Variants in INTS8 observed in about 807,000 individuals in gnomAD.
INTS8 encodes protein kaonashi-1.
INTS8 carries 47 observed loss-of-function variants against 138.9 expected under a neutral mutation model. The ratio of observed to expected loss-of-function variants is 0.34; its 90% confidence interval spans 0.27 to 0.43. The LOEUF (loss-of-function observed/expected upper bound fraction) is 0.43, where lower values mean the gene tolerates loss of function less well. Ranked by LOEUF, INTS8 falls within the 20% of genes least tolerant of loss-of-function variation. The pLI is 1.00. For synonymous variants in INTS8, 392 were observed against 400.9 expected (o/e 0.98, Z 0.27); for missense variants, 996 against 1,173.0 (o/e 0.85, Z 2.20).
In INTS8 at chr8:94,880,836, A is replaced by G. The variant is rs935174250; in HGVS notation, c.*602A>G. 3 of 398,530 alleles carry G rather than the reference A, an allele frequency of 7.5e-6. No homozygotes were observed. Among genetic ancestry groups the G allele is most frequent in the African/African-American group, 4.1e-5 (2 of 48,596 alleles). The allele number at this position is 398,530 out of a possible 1,614,324, so 24.7% of individuals were successfully genotyped here. On this transcript the variant is annotated 3_prime_UTR_variant, in exon 27 of 27. Transcript: ENST00000523731. ...CCTCATATAAATAGTTTGAAAGGGT[A>G]CTTAAGTTTTTCACCCAAATTGTGA...
intron 20 of INTS8, chr8:94,867,582 G>T (rs994174080): frequency 1.4e-4 from 52 of 362,134 alleles, no homozygotes; most frequent in Middle Eastern, 7.6e-4. Context: ...GGAATGCAGT[G>T]GTACAATCTC....
chr8:94,823,581 C>A lies in INTS8; in HGVS notation c.130+20C>A. On this transcript the variant is annotated intron_variant, in intron 1 of 26. Coordinates refer to ENST00000523731, the MANE Select transcript of INTS8 (RefSeq NM_017864.4). ...GCCCGGGTGAGCGCGGCGCCTGCAC[C>A]TGGGGAGCGGGACCCGGCCACCGGC... 1 of 1,533,766 alleles carries A rather than the reference C, an allele frequency of 6.5e-7. No individual in the cohort carries two copies. Among genetic ancestry groups the A allele is most frequent in the Non-Finnish European group, 8.8e-7 (1 of 1,137,546 alleles).
intron 13 of INTS8, among the ~76,000 whole-genome samples, 178 bp downstream of exon 13, chr8:94,851,864 A>G (rs994275414): frequency 2.0e-5 from 3 of 152,256 alleles, no homozygotes; most frequent in Admixed American, 6.5e-5. Flanking sequence ...AGGAAATGTC[A>G]GAAACAAAAA....
At chr8:94,863,287 G>A (rs916505387) in intron 16 of INTS8, among the ~76,000 whole-genome samples, 13 of 152,218 alleles carry the variant, frequency 8.5e-5, no homozygotes, top group East Asian at 3.8e-4. Flanking sequence ...GCCCCTTGGC[G>A]TTCCAGCCCT....
chr8:94,852,994 T>C (rs1292042766), intron 13 of INTS8, among the ~76,000 whole-genome samples: 1 of 152,140 alleles, frequency 6.6e-6, no homozygotes, highest in Non-Finnish European at 1.5e-5. Context: ...TTTTTAGCAT[T>C]GATGCTATTT....
intron 5 of INTS8, among the ~76,000 whole-genome samples, chr8:94,829,771 G>A (rs955170442): frequency 2.6e-5 from 4 of 152,048 alleles, no homozygotes; most frequent in Admixed American, 2.0e-4. Context: ...ATTCTGTTTC[G>A]TGATACATTA....
At chr8:94,852,219 A>G (rs1325449853) in intron 13 of INTS8, among the ~76,000 whole-genome samples, 1 of 152,228 alleles carries the variant, frequency 6.6e-6, no homozygotes, top group Non-Finnish European at 1.5e-5. Flanking sequence ...TTGGGATTAC[A>G]GGTGTGAGCC....
intron 10 of INTS8, among the ~76,000 whole-genome samples, chr8:94,844,760 T>C (rs533240195): frequency 6.6e-6 from 1 of 150,662 alleles, no homozygotes; most frequent in African/African-American, 2.4e-5. Context: ...TTCTTTTTTT[T>C]TTTTTTTTGT....
chr8:94,827,476 C>T, intron 3 of INTS8, 73 bp downstream of exon 3: 1 of 1,502,982 alleles, frequency 6.7e-7, no homozygotes, highest in Non-Finnish European at 9.2e-7. Context: ...CAAGGATATT[C>T]TTTTAATGGA....
intron 14 of INTS8, 139 bp from the exon 15 acceptor site, chr8:94,856,638 C>A: frequency 1.5e-6 from 1 of 653,228 alleles, no homozygotes; most frequent in Non-Finnish European, 2.7e-6. Flanking sequence ...GATGAAAATA[C>A]TATCTAGCCT....
chr8:94,849,637 A>G, intron 11 of INTS8, 105 bp downstream of exon 11: 1 of 724,418 alleles, frequency 1.4e-6, no homozygotes. Flanking sequence ...GTATCTTTTA[A>G]CCAGGCAGTA....
At chr8:94,833,424 C>T (rs1814802275) in intron 6 of INTS8, among the ~76,000 whole-genome samples, 1 of 151,688 alleles carries the variant, frequency 6.6e-6, no homozygotes, top group African/African-American at 2.4e-5. Context: ...CCCTATGTTG[C>T]CCAGGCTGGT....
At position 94,865,523 on chromosome 8, in the gene INTS8, A is replaced by G. The variant is rs1266024793; in HGVS notation, c.2094A>G (p.Ala698=). The G allele has an allele frequency of 6.2e-7, 1 of 1,613,454 alleles. No homozygotes were observed. The change falls in exon 17 of 27, where the codon GCA becomes GCG. Residue 698 remains alanine, a synonymous_variant. Transcript: ENST00000523731. ...TGTTATAGCTTGGACAGCTTTTAGC[A>G]GCTACATGCAAAGAACTTCCAGGCC... ...NPYVKLGQLL[A]ATCKELPGPK...
At chr8:94,865,444 A>G in intron 16 of INTS8, 62 bp from the exon 17 acceptor site, 1 of 1,355,888 alleles carries the variant, frequency 7.4e-7, no homozygotes, top group Non-Finnish European at 1.0e-6. Flanking sequence ...TGCCTTGATA[A>G]TAGAACTAAT....
chr8:94,833,206 T>G lies in INTS8; in HGVS notation c.753+1032T>G, dbSNP rs1448371821. The stretch of plus-strand genomic sequence containing the variant: ...CATGGCTTCTTTTATCACTAATTCC[T>G]TTTCTGGAAAGGGGTAAAAATAGTT... On this transcript the variant is annotated intron_variant, in intron 6 of 26. Transcript: ENST00000523731. 2.0e-5 allele frequency among the ~76,000 whole-genome samples: 3 copies of G among 152,142 alleles called. No individual in the cohort carries two copies. The East Asian group carries it at 5.8e-4, about 29-fold the overall frequency.
rs778068612 is a variant in INTS8 at position 94,832,166 on chromosome 8, C to G, written c.745C>G (p.Gln249Glu). Residue 249 changes from glutamine (Q) to glutamate (E), a missense_variant, in exon 6 of 27, where the codon CAG becomes GAG. Physicochemically the swap from Gln to Glu is conservative, Grantham distance 29. Coordinates refer to ENST00000523731, the MANE Select transcript of INTS8 (RefSeq NM_017864.4). ...ATTGAAAGTCAAAACCGAAGAAATG[C>G]AGTGCCAGGTATTCATTTGATACTT... ...AGLKVKTEEM[Q>E]CQVCYDLGAA... 6.2e-7 allele frequency: 1 copy of G among 1,611,736 alleles called. No individual in the cohort carries two copies. Among genetic ancestry groups the G allele is most frequent in the South Asian group, 1.1e-5 (1 of 90,422 alleles).
intron 26 of INTS8, among the ~76,000 whole-genome samples, chr8:94,877,538 G>T (rs1450258289): frequency 6.6e-6 from 1 of 152,092 alleles, no homozygotes; most frequent in African/African-American, 2.4e-5. Context: ...ACTTCTACTT[G>T]TATCATTTTT....
At chr8:94,848,123 C>G (rs1815399428) in intron 10 of INTS8, among the ~76,000 whole-genome samples, 1 of 150,986 alleles carries the variant, frequency 6.6e-6, no homozygotes, top group Non-Finnish European at 1.5e-5. Context: ...ATTCTCCTGC[C>G]TCAGCCTCCC....
At chr8:94,837,660 C>T (rs553296661) in intron 7 of INTS8, among the ~76,000 whole-genome samples, 91 of 151,860 alleles carry the variant, frequency 6.0e-4, no homozygotes, top group African/African-American at 2.1e-3. Flanking sequence ...TGGTATGTGT[C>T]TTTTAAAACC....
Sources: gnomAD v4.1 joint callset for allele counts (sites outside exome capture counted in the v4.1 genomes callset) on GRCh38, gnomAD v4.1.1 for gene constraint, MANE v1.5 for transcripts, NCBI Gene and HGNC (gene_info 2026-07-23, HGNC 2026-07-21) for gene names.